RIMKLB: variants seen among roughly 807,000 people sequenced by gnomAD.
RIMKLB encodes beta-citrylglutamate synthase B.
In RIMKLB, 7 loss-of-function variants were observed where a neutral mutation model predicts 32.0. That is an observed-to-expected ratio of 0.22 (90% CI 0.12 to 0.41). The LOEUF is 0.41. RIMKLB is among the 10% of genes least tolerant of loss of function. The pLI is 1.00. For synonymous variants in RIMKLB, 172 were observed against 185.1 expected, an observed-to-expected ratio of 0.93 and a Z score of 0.57; for missense variants, 289 against 498.7, an observed-to-expected ratio of 0.58 and a Z score of 4.00.
intron 5 of RIMKLB, among the ~76,000 whole-genome samples, chr12:8,771,387 A>G (rs1225915649): frequency 6.6e-6 from 1 of 152,108 alleles, no homozygotes; most frequent in Non-Finnish European, 1.5e-5. Context: ...GGAAGGTTAG[A>G]TTCTATTTTC....
chr12:8,763,058 T>C (rs1949665597), intron 5 of RIMKLB, among the ~76,000 whole-genome samples: 1 of 152,240 alleles, frequency 6.6e-6, no homozygotes, highest in Non-Finnish European at 1.5e-5. Flanking sequence ...ACAAGTCTCT[T>C]TTAGCAGTGA....
chr12:8,746,605 A>AG (rs1307971519), intron 2 of RIMKLB, among the ~76,000 whole-genome samples: 2 of 151,790 alleles, frequency 1.3e-5, no homozygotes, highest in Admixed American at 6.6e-5. Flanking sequence ...TCTCAAAAAA[A>AG]AAAAAAAAAA....
chr12:8,680,548 A>G (rs893618534), upstream of RIMKLB, among the ~76,000 whole-genome samples: 1 of 152,190 alleles, frequency 6.6e-6, no homozygotes, highest in African/African-American at 2.4e-5. Context: ...TGGAGTAGCC[A>G]TTCTTTTATT....
intron 1 of RIMKLB, among the ~76,000 whole-genome samples, chr12:8,690,000 T>C (rs1591600255): frequency 6.6e-6 from 1 of 152,286 alleles, no homozygotes; most frequent in East Asian, 1.9e-4. Flanking sequence ...TGACCTACTT[T>C]TGCCCACTCT....
intron 1 of RIMKLB, among the ~76,000 whole-genome samples, chr12:8,713,302 AT>A (rs56736946): frequency 0.073 from 11,011 of 149,888 alleles, 1,286 homozygotes; most frequent in African/African-American, 0.25. Context: ...GCTACTACCT[AT>A]TTTTTTTTTC....
At chr12:8,771,369 A>G (rs1296471939) in intron 5 of RIMKLB, among the ~76,000 whole-genome samples, 1 of 152,114 alleles carries the variant, frequency 6.6e-6, no homozygotes, top group African/African-American at 2.4e-5. Flanking sequence ...AGGTGAAAGG[A>G]GGACAGGGGA....
At chr12:8,764,333 G>A (rs897714457) in intron 5 of RIMKLB, among the ~76,000 whole-genome samples, 7 of 152,138 alleles carry the variant, frequency 4.6e-5, no homozygotes, top group African/African-American at 1.4e-4. Context: ...GACAATAAAC[G>A]GGTGTTCCTT....
intron 5 of RIMKLB, among the ~76,000 whole-genome samples, chr12:8,761,272 C>CAAAAA (rs35464055): frequency 1.8e-5 from 1 of 55,876 alleles, no homozygotes; most frequent in African/African-American, 4.6e-5. Flanking sequence ...GGGGAGATAG[C>CAAAAA]AAAAAAAAAA....
intron 4 of RIMKLB, among the ~76,000 whole-genome samples, chr12:8,753,254 C>A (rs1591904175): frequency 6.6e-6 from 1 of 152,272 alleles, no homozygotes; most frequent in South Asian, 2.1e-4. Flanking sequence ...CTTTTATGGT[C>A]TACCCTCATA....
intron 1 of RIMKLB, among the ~76,000 whole-genome samples, chr12:8,686,729 G>T (rs549444117): frequency 6.6e-6 from 1 of 151,750 alleles, no homozygotes; most frequent in Non-Finnish European, 1.5e-5. Context: ...TAATCCGCCC[G>T]CCTAGGCCTC....
chr12:8,733,150 T>C (rs1368169806), intron 2 of RIMKLB, among the ~76,000 whole-genome samples: 1 of 152,216 alleles, frequency 6.6e-6, no homozygotes, highest in Admixed American at 6.5e-5. Context: ...GAGGTTGCTC[T>C]TGGCAGCTAA....
At chr12:8,686,286 C>T (rs1942569362) in intron 1 of RIMKLB, among the ~76,000 whole-genome samples, 2 of 150,456 alleles carry the variant, frequency 1.3e-5, no homozygotes, top group Admixed American at 6.7e-5. Flanking sequence ...CTCTCCTCTC[C>T]TCTCATTTCC....
intron 1 of RIMKLB, among the ~76,000 whole-genome samples, chr12:8,707,238 C>G (rs1430974602): frequency 6.6e-6 from 1 of 152,150 alleles, no homozygotes; most frequent in African/African-American, 2.4e-5. Context: ...CCGTACCATG[C>G]CCCCCACCAG....
chr12:8,775,791 G>A lies in RIMKLB; in HGVS notation c.*2007G>A, dbSNP rs137965008. 5.2e-5 allele frequency: 51 copies of A among 985,378 alleles called. No individual in the cohort carries two copies. In the African/African-American group the frequency reaches 7.8e-4, roughly 15 times the overall value. The allele number at this position is 985,378 out of a possible 1,614,324, so 61.0% of individuals were successfully genotyped here. A position where few individuals can be genotyped will look rare whatever the true frequency, so the allele number is the denominator to read the frequency against. On this transcript the variant is annotated 3_prime_UTR_variant, in exon 6 of 6. Transcript: ENST00000535829. ...CTGTGCAGTGTCTCATTTCACCTCA[G>A]AGAAAAGGATACATAAGAGGAGTTT...
At chr12:8,749,557 T>C (rs530006711) in intron 2 of RIMKLB, among the ~76,000 whole-genome samples, 19 of 152,202 alleles carry the variant, frequency 1.2e-4, no homozygotes, top group Admixed American at 6.5e-5. Context: ...TTTCTCAGAT[T>C]TGCCCTTTAA....
intron 2 of RIMKLB, among the ~76,000 whole-genome samples, chr12:8,723,324 A>T (rs760707446): frequency 6.6e-6 from 1 of 152,248 alleles, no homozygotes; most frequent in Non-Finnish European, 1.5e-5. Context: ...TTGGTGGAGC[A>T]GTGAGAATGT....
the RIMKLB span, among the ~76,000 whole-genome samples, chr12:8,671,154 T>G: frequency 6.6e-6 from 1 of 152,146 alleles, no homozygotes; most frequent in Middle Eastern, 3.4e-3. Context: ...CCCGGAGACA[T>G]TTTCCCCATG....
chr12:8,744,591 ATTG>A (rs1230729976), intron 2 of RIMKLB, among the ~76,000 whole-genome samples: 1 of 151,396 alleles, frequency 6.6e-6, no homozygotes, highest in African/African-American at 2.4e-5. Flanking sequence ...AATGGTTTTG[ATTG>A]TTCTCTCCTG....
chr12:8,753,814 A>T, intron 4 of RIMKLB, 76 bp from the exon 5 acceptor site: 1 of 1,160,622 alleles, frequency 8.6e-7, no homozygotes, highest in Admixed American at 1.9e-5. Flanking sequence ...ATTGTGATAC[A>T]AGAAGATTCA....
Sources: allele counts gnomAD v4.1 joint callset (sites outside exome capture counted in the v4.1 genomes callset), GRCh38; gene constraint gnomAD v4.1.1; transcripts MANE v1.5; gene names NCBI Gene and HGNC (gene_info 2026-07-23, HGNC 2026-07-21).